The following PGM2 variants were observed in gnomAD, a reference collection of about 807,000 sequenced individuals.
PGM2 encodes phosphopentomutase.
Under a neutral mutation model 74.6 loss-of-function variants are expected in PGM2, and 57 were observed. That is an observed-to-expected ratio of 0.76 (90% CI 0.62 to 0.95). The LOEUF (loss-of-function observed/expected upper bound fraction) is 0.95, where lower values mean the gene tolerates loss of function less well. Ranked by LOEUF, PGM2 falls within the 40% of genes least tolerant of loss-of-function variation. The probability of loss-of-function intolerance (pLI) is 0.00; values close to 1 mark genes in which losing one functional copy is unlikely to be tolerated. For synonymous variants in PGM2, 273 were observed against 260.7 expected, an observed-to-expected ratio of 1.05 and a Z score of -0.46; for missense variants, 706 against 741.9, an observed-to-expected ratio of 0.95 and a Z score of 0.56.
At chr4:37,847,409 A>G (rs1048563053) in intron 10 of PGM2, 114 bp downstream of exon 10, 13 of 716,482 alleles carry the variant, frequency 1.8e-5, no homozygotes, top group African/African-American at 7.1e-5. Context: ...TCCAGCACTC[A>G]GGTTGAATGT....
chr4:37,843,640 G>A (rs559279141), intron 6 of PGM2, among the ~76,000 whole-genome samples: 5 of 148,522 alleles, frequency 3.4e-5, no homozygotes, highest in African/African-American at 9.9e-5. Context: ...ACGGAGTTTC[G>A]CTCTTGTTGC....
chr4:37,840,585 A>C (rs896508276), intron 6 of PGM2, among the ~76,000 whole-genome samples: 19 of 152,224 alleles, frequency 1.2e-4, no homozygotes, highest in African/African-American at 4.3e-4. Context: ...AGGTGTTGGC[A>C]TGTTGGCCAG....
intron 10 of PGM2, 38 bp from the exon 11 acceptor site, chr4:37,848,484 G>T: frequency 6.3e-7 from 1 of 1,586,224 alleles, no homozygotes. Flanking sequence ...GTTTGACACA[G>T]TATTGTATAG....
At chr4:37,827,922 G>A (rs1271892100) in intron 1 of PGM2, among the ~76,000 whole-genome samples, 1 of 152,160 alleles carries the variant, frequency 6.6e-6, no homozygotes, top group Admixed American at 6.5e-5. Flanking sequence ...TATGTGGCCA[G>A]GCCTCTCTAT....
intron 1 of PGM2, among the ~76,000 whole-genome samples, chr4:37,828,914 G>C (rs1417427815): frequency 6.6e-6 from 1 of 152,198 alleles, no homozygotes; most frequent in East Asian, 1.9e-4. Flanking sequence ...CAAAAAAGAT[G>C]GGGTTTACTT....
At chr4:37,831,213 A>AAAAAAAAAAAATT (rs1725435230) in intron 2 of PGM2, among the ~76,000 whole-genome samples, 1 of 150,712 alleles carries the variant, frequency 6.6e-6, no homozygotes, top group East Asian at 2.0e-4. Context: ...AAAAAAAAAA[A>AAAAAAAAAAAATT]GAATTGCCAT....
At chr4:37,832,296 G>C (rs1268583967) in intron 2 of PGM2, among the ~76,000 whole-genome samples, 11 of 152,194 alleles carry the variant, frequency 7.2e-5, no homozygotes, top group Non-Finnish European at 1.6e-4. Flanking sequence ...TTCAAAATTA[G>C]AGGCAAGAGG....
Position 37,850,350 on chromosome 4 carries a change from G to A in PGM2, c.1579G>A (p.Asp527Asn). The change falls in exon 12 of 14, where the codon GAT (aspartate) becomes AAT (asparagine). Residue 527 changes from aspartate (D) to asparagine (N), a missense_variant. Coordinates refer to ENST00000381967, the MANE Select transcript of PGM2 (RefSeq NM_018290.4). ...AIRDLTTGYD[D>N]SQPDKKAVLP... is the part of the protein sequence containing the mutation. Reference sequence around the variant, plus strand: ...TAGGGACCTTACAACTGGCTATGATGATAGCCAACCTGATAAAAAAGCTGT... The same window carrying A: ...TAGGGACCTTACAACTGGCTATGATAATAGCCAACCTGATAAAAAAGCTGT... 6.4e-7 allele frequency: 1 copy of A among 1,555,522 alleles called. No individual in the cohort carries two copies. Among genetic ancestry groups the A allele is most frequent in the Non-Finnish European group, 8.6e-7 (1 of 1,158,506 alleles).
At chr4:37,851,326 C>T (rs1405770509) in intron 12 of PGM2, among the ~76,000 whole-genome samples, 7 of 152,234 alleles carry the variant, frequency 4.6e-5, no homozygotes, top group Non-Finnish European at 8.8e-5. Context: ...CTGGTCCTCA[C>T]TTTGAGAACC....
intron 13 of PGM2, among the ~76,000 whole-genome samples, chr4:37,861,149 T>A (rs945803711): frequency 2.6e-5 from 4 of 152,156 alleles, no homozygotes; most frequent in African/African-American, 9.6e-5. Context: ...CAGGATTTAA[T>A]GGCAACTGAC....
intron 3 of PGM2, 95 bp downstream of exon 3, chr4:37,834,819 T>C: frequency 3.3e-6 from 2 of 611,312 alleles, no homozygotes; most frequent in Non-Finnish European, 5.9e-6. Context: ...ATATATTCAT[T>C]AGCCTCATTG....
At chr4:37,835,318 G>T (rs963658343) in intron 3 of PGM2, among the ~76,000 whole-genome samples, 1 of 152,144 alleles carries the variant, frequency 6.6e-6, no homozygotes, top group African/African-American at 2.4e-5. Context: ...AGTACCAGGG[G>T]TCAGCAAACT....
In PGM2 at chr4:37,861,866, AACTG is replaced by A. The variant is rs1405874721; in HGVS notation, c.*258_*261del. Reference sequence around the variant, plus strand: ...GAATTTTTGTAAGTGAAGATTTTTAAACTGACTAACTTAAAAAAATAGATTGTAA... The same window carrying A: ...GAATTTTTGTAAGTGAAGATTTTTAAACTAACTTAAAAAAATAGATTGTAA... On this transcript the variant is annotated 3_prime_UTR_variant, in exon 14 of 14. Coordinates refer to ENST00000381967, the MANE Select transcript of PGM2 (RefSeq NM_018290.4). 1.1e-4 allele frequency: 37 copies of A among 345,854 alleles called. No individual in the cohort carries two copies. Among genetic ancestry groups the A allele is most frequent in the African/African-American group, 5.3e-4 (26 of 48,908 alleles). The allele number at this position is 345,854 out of a possible 1,614,324, so 21.4% of individuals were successfully genotyped here. A position where few individuals can be genotyped will look rare whatever the true frequency, so the allele number is the denominator to read the frequency against.
chr4:37,847,152 C>A, intron 9 of PGM2, 41 bp downstream of exon 9: 1 of 1,597,742 alleles, frequency 6.3e-7, no homozygotes, highest in Non-Finnish European at 8.6e-7. Flanking sequence ...CTTTCATCTG[C>A]TCTGTAGAAG....
chr4:37,834,622 T>C lies in PGM2; in HGVS notation c.254T>C (p.Phe85Ser). Reference protein sequence around the residue: ...DLTIIQTTQGFCRYLEKQFSD... With the variant: ...DLTIIQTTQGSCRYLEKQFSD... ...AAATCTATGGTGTATTTGTAGGGAT[T>C]TTGCAGATACCTGGAAAAACAATTC... The change falls in exon 3 of 14, where the codon TTT becomes TCT. Residue 85 changes from phenylalanine (F) to serine (S), a missense_variant. Phe to Ser is a radical substitution (Grantham distance 155). Coordinates refer to ENST00000381967, the MANE Select transcript of PGM2 (RefSeq NM_018290.4). 6.6e-7 allele frequency: 1 copy of C among 1,512,814 alleles called. No individual in the cohort carries two copies. Among genetic ancestry groups the C allele is most frequent in the Non-Finnish European group, 9.2e-7 (1 of 1,091,760 alleles). 93.7% of individuals were successfully genotyped at this position (1,512,814 alleles called of 1,614,324 possible).
chr4:37,840,187 C>T lies in PGM2; in HGVS notation c.647C>T (p.Pro216Leu). ...AWDDSLIDSS[P>L]LLHNPSASIN... Reference sequence around the variant, plus strand: ...GACGATTCTTTAATTGATAGCAGTCCACTTCTCCACAATCCGAGTGCTTCC... The same window carrying T: ...GACGATTCTTTAATTGATAGCAGTCTACTTCTCCACAATCCGAGTGCTTCC... Residue 216 changes from proline to leucine, a missense_variant, in exon 6 of 14, where the codon CCA (proline) becomes CTA (leucine). Coordinates refer to ENST00000381967, the MANE Select transcript of PGM2 (RefSeq NM_018290.4). 3 of 1,612,586 alleles carry T rather than the reference C, an allele frequency of 1.9e-6. No homozygotes were observed. The highest frequency in any genetic ancestry group is 1.7e-5 in the Admixed American group (1 of 60,014).
intron 13 of PGM2, among the ~76,000 whole-genome samples, chr4:37,858,924 A>G (rs1711662194): frequency 1.3e-5 from 2 of 152,152 alleles, no homozygotes; most frequent in African/African-American, 4.8e-5. Context: ...CTTCACTTAG[A>G]CCAAACTTTG....
intron 6 of PGM2, among the ~76,000 whole-genome samples, chr4:37,843,630 A>G (rs2152177911): frequency 6.7e-6 from 1 of 149,930 alleles, no homozygotes; most frequent in Admixed American, 6.7e-5. Context: ...TTTTCCTGAG[A>G]CGGAGTTTCG....
chr4:37,851,673 A>G (rs1241422048), intron 12 of PGM2, among the ~76,000 whole-genome samples: 1 of 152,324 alleles, frequency 6.6e-6, no homozygotes, highest in Admixed American at 6.5e-5. Flanking sequence ...TGTCACCAAG[A>G]CTAGATTTGT....
Sources: gnomAD v4.1 joint callset for allele counts (sites outside exome capture counted in the v4.1 genomes callset) on GRCh38, gnomAD v4.1.1 for gene constraint, MANE v1.5 for transcripts, NCBI Gene and HGNC (gene_info 2026-07-23, HGNC 2026-07-21) for gene names.